ROBO1: variants seen among roughly 807,000 people sequenced by gnomAD.
ROBO1 encodes the protein roundabout homolog 1.
A neutral mutation model predicts 195.9 loss-of-function variants in ROBO1; 149 were observed. The observed-to-expected ratio is 0.76, with a 90% confidence interval of 0.67 to 0.87. The LOEUF (loss-of-function observed/expected upper bound fraction) is 0.87, where lower values mean the gene tolerates loss of function less well. ROBO1 is among the 40% of genes least tolerant of loss of function. The pLI, the probability that ROBO1 is intolerant of heterozygous loss-of-function variation, is 0.00. For missense variants in ROBO1, 1,933 were observed against 2,068.3 expected (o/e 0.93, Z 1.27); for synonymous variants, 816 against 733.2 (o/e 1.11, Z -1.82).
intron 2 of ROBO1, among the ~76,000 whole-genome samples, chr3:79,176,752 G>A (rs1229471793): frequency 2.6e-5 from 4 of 152,122 alleles, no homozygotes; most frequent in Non-Finnish European, 4.4e-5. Context: ...GAGCTGCCGC[G>A]CCTAGCCTGA....
chr3:79,427,206 AG>A (rs1372064560), intron 2 of ROBO1, among the ~76,000 whole-genome samples: 1 of 152,220 alleles, frequency 6.6e-6, no homozygotes, highest in Non-Finnish European at 1.5e-5. Context: ...ATTGTGTAAA[AG>A]CAGAAGACCA....
At chr3:79,317,273 G>T (rs1018248022) in intron 2 of ROBO1, among the ~76,000 whole-genome samples, 1 of 152,032 alleles carries the variant, frequency 6.6e-6, no homozygotes, top group Non-Finnish European at 1.5e-5. Flanking sequence ...TATTTTTAAA[G>T]TTTTTCTCAA....
rs1028295371 is a variant in ROBO1 at position 79,629,826 on chromosome 3, T to C, written c.-50-39865A>G. Among the ~76,000 whole-genome samples the C allele has an allele frequency of 7.2e-5, 11 of 151,950 alleles. No individual in the cohort carries two copies. In the East Asian group the frequency reaches 2.1e-3, roughly 29 times the overall value. ...AAAAGTGATATTAAGACTGATACCA[T>C]ATAAACATAAAATATCAGAGGCTAC... On this transcript the variant is annotated intron_variant, in intron 1 of 30. Coordinates refer to ENST00000464233, the MANE Select transcript of ROBO1 (RefSeq NM_002941.4).
At chr3:79,136,604 T>A (rs1306712031) in intron 2 of ROBO1, among the ~76,000 whole-genome samples, 1 of 152,134 alleles carries the variant, frequency 6.6e-6, no homozygotes, top group Non-Finnish European at 1.5e-5. Flanking sequence ...ACTGAGAACA[T>A]TTAATTAGAA....
At chr3:79,496,560 T>A (rs1234533104) in intron 2 of ROBO1, among the ~76,000 whole-genome samples, 1 of 145,700 alleles carries the variant, frequency 6.9e-6, no homozygotes, top group Non-Finnish European at 1.5e-5. Flanking sequence ...ATTTTTTGTA[T>A]TTTTTTTTAG....
chr3:78,996,541 C>G (rs577020328), intron 3 of ROBO1, among the ~76,000 whole-genome samples: 3 of 152,112 alleles, frequency 2.0e-5, no homozygotes, highest in East Asian at 3.9e-4. Context: ...CTTATAGTGT[C>G]TCATCCTCAT....
At chr3:78,770,412 C>T (rs762873914) in intron 4 of ROBO1, among the ~76,000 whole-genome samples, 14 of 152,096 alleles carry the variant, frequency 9.2e-5, no homozygotes, top group Non-Finnish European at 1.9e-4. Context: ...TTGTTGGCTG[C>T]TTATATGTTT....
intron 4 of ROBO1, among the ~76,000 whole-genome samples, chr3:78,919,165 T>C (rs1032318532): frequency 1.3e-5 from 2 of 152,200 alleles, no homozygotes; most frequent in Admixed American, 1.3e-4. Flanking sequence ...AGGGAGATTA[T>C]GGTTACGTGA....
intron 2 of ROBO1, among the ~76,000 whole-genome samples, chr3:79,385,668 A>G (rs1242933603): frequency 1.3e-5 from 2 of 152,060 alleles, no homozygotes; most frequent in Non-Finnish European, 2.9e-5. Context: ...AAAGAAAGAA[A>G]CTCTTTTAGT....
At chr3:79,324,530 A>T (rs2034123748) in intron 2 of ROBO1, among the ~76,000 whole-genome samples, 1 of 152,168 alleles carries the variant, frequency 6.6e-6, no homozygotes, top group Non-Finnish European at 1.5e-5. Flanking sequence ...ACTAAATTTG[A>T]AACCTCAATG....
intron 4 of ROBO1, among the ~76,000 whole-genome samples, chr3:78,803,578 TA>T (rs1330599015): frequency 1.3e-5 from 2 of 152,166 alleles, no homozygotes; most frequent in Non-Finnish European, 2.9e-5. Context: ...TTTAATCTTC[TA>T]AACAACATTT....
chr3:79,244,429 C>G (rs1414121587), intron 2 of ROBO1, among the ~76,000 whole-genome samples: 2 of 152,126 alleles, frequency 1.3e-5, no homozygotes, highest in African/African-American at 4.8e-5. Flanking sequence ...CAGTCTTAAA[C>G]ATAAATACCC....
At chr3:78,711,395 C>CT (rs1190489949) in intron 8 of ROBO1, among the ~76,000 whole-genome samples, 88 of 43,134 alleles carry the variant, frequency 2.0e-3, no homozygotes, top group Non-Finnish European at 2.6e-3. Flanking sequence ...TCCTTCCTTC[C>CT]TTCCTTTCTT....
intron 1 of ROBO1, among the ~76,000 whole-genome samples, chr3:79,599,205 C>T (rs1944268809): frequency 6.6e-6 from 1 of 152,008 alleles, no homozygotes; most frequent in Non-Finnish European, 1.5e-5. Context: ...TACTGATTGA[C>T]ATCTTCAAAT....
intron 2 of ROBO1, among the ~76,000 whole-genome samples, chr3:79,398,348 A>C (rs1385932376): frequency 6.6e-6 from 1 of 152,164 alleles, no homozygotes; most frequent in African/African-American, 2.4e-5. Context: ...TATAATTCTT[A>C]GACTTTTATA....
intron 3 of ROBO1, among the ~76,000 whole-genome samples, chr3:79,077,304 T>C (rs1379207833): frequency 6.6e-6 from 1 of 151,950 alleles, no homozygotes; most frequent in Non-Finnish European, 1.5e-5. Flanking sequence ...TATATGAGGA[T>C]GGAAAAAAAT....
In ROBO1 at chr3:78,646,180, C is replaced by T; in HGVS notation, c.2850G>A (p.Gln950=). 1 of 1,606,266 alleles carries T rather than the reference C, an allele frequency of 6.2e-7. No homozygotes were observed. The part of the protein sequence containing the change: ...SFTFTPTVTY[Q]RGGEAVSSGG... The stretch of plus-strand genomic sequence containing the variant: ...CACTGCTGACAGCTTCGCCTCCTCT[C>T]TGGTAAGTTACTAGAATGTTACGAA... The change falls in exon 21 of 31, where the codon CAG becomes CAA. Residue 950 remains glutamine, a synonymous_variant. Transcript: ENST00000464233.
chr3:79,190,313 G>A (rs1394088459), intron 2 of ROBO1, among the ~76,000 whole-genome samples: 1 of 151,584 alleles, frequency 6.6e-6, no homozygotes, highest in Non-Finnish European at 1.5e-5. Flanking sequence ...AAATCCATGT[G>A]TGTTTGGCTA....
chr3:79,646,935 G>GCC (rs1945836965), intron 1 of ROBO1, among the ~76,000 whole-genome samples: 1 of 151,920 alleles, frequency 6.6e-6, no homozygotes, highest in African/African-American at 2.4e-5. Flanking sequence ...ATAAAGAAAG[G>GCC]TTAATTAATA....
Sources: allele counts gnomAD v4.1 joint callset (sites outside exome capture counted in the v4.1 genomes callset), GRCh38; gene constraint gnomAD v4.1.1; transcripts MANE v1.5; gene names NCBI Gene and HGNC (gene_info 2026-07-23, HGNC 2026-07-21).